The following GTPBP4 variants were observed in gnomAD, a reference collection of about 807,000 sequenced individuals.
GTPBP4 encodes the protein GTP-binding protein 4.
In GTPBP4, 15 loss-of-function variants were observed where a neutral mutation model predicts 81.7. The ratio of observed to expected loss-of-function variants is 0.18; its 90% confidence interval spans 0.12 to 0.28. The LOEUF (loss-of-function observed/expected upper bound fraction) is 0.28, where lower values mean the gene tolerates loss of function less well. Ranked by LOEUF, GTPBP4 falls within the 10% of genes least tolerant of loss-of-function variation. GTPBP4 has a pLI of 1.00. For synonymous variants in GTPBP4, 272 were observed against 274.6 expected (o/e 0.99, Z 0.09); for missense variants, 847 against 793.8 (o/e 1.07, Z -0.81).
intron 1 of GTPBP4, among the ~76,000 whole-genome samples, chr10:990,610 CTG>C (rs1831424273): frequency 6.6e-6 from 1 of 150,832 alleles, no homozygotes; most frequent in African/African-American, 2.4e-5. Flanking sequence ...GTAGTCCCAG[CTG>C]CTGGGGAGGC....
rs2132179067 is a variant in GTPBP4 at position 1,017,927 on chromosome 10, A to G, written c.*700A>G. 6.6e-6 allele frequency: 1 copy of G among 152,354 alleles called. No homozygotes were observed. The highest frequency in any genetic ancestry group is 2.1e-4 in the South Asian group (1 of 4,824). The allele number at this position is 152,354 out of a possible 1,614,324, so 9.4% of individuals were successfully genotyped here. Reference sequence around the variant, plus strand: ...CAAAAACACCGCCAATGCCACCTCAAAAGCACCTGCTGGGGAGCGTTGGGG... The same window carrying G: ...CAAAAACACCGCCAATGCCACCTCAGAAGCACCTGCTGGGGAGCGTTGGGG... On this transcript the variant is annotated 3_prime_UTR_variant, in exon 17 of 17. Transcript: ENST00000360803.
At chr10:1,009,069 T>TG (rs776217375) in intron 11 of GTPBP4, 34 bp downstream of exon 11, 3 of 1,483,202 alleles carry the variant, frequency 2.0e-6, no homozygotes, top group South Asian at 1.1e-5. Context: ...AGTGTTCTCA[T>TG]GGGGGGAGGC....
intron 1 of GTPBP4, chr10:988,919 C>T (rs757187240): frequency 1.0e-5 from 2 of 196,862 alleles, no homozygotes; most frequent in African/African-American, 2.3e-5. Flanking sequence ...CTGGGTTTGG[C>T]GTAGCCCCCT....
chr10:1,011,575 C>T (rs2132172545), intron 13 of GTPBP4, among the ~76,000 whole-genome samples: 1 of 152,298 alleles, frequency 6.6e-6, no homozygotes, highest in Admixed American at 6.5e-5. Context: ...TACTTGCCAT[C>T]TGCATGTCCC....
In GTPBP4 at chr10:999,113, A is replaced by T; in HGVS notation, c.654+18A>T. ...GTTGGCAGGTGAGAGTCTTGTCTTT[A>T]TTTTTATTCATTTATTTATTTTGAG... On this transcript the variant is annotated intron_variant, in intron 6 of 16. Transcript: ENST00000360803. The T allele has an allele frequency of 7.8e-7, 1 of 1,288,346 alleles. No individual in the cohort carries two copies. The highest frequency in any genetic ancestry group is 1.1e-6 in the Non-Finnish European group (1 of 883,334). The allele number at this position is 1,288,346 out of a possible 1,614,324, so 79.8% of individuals were successfully genotyped here.
At chr10:992,321 A>T (rs955637544) in intron 1 of GTPBP4, among the ~76,000 whole-genome samples, 168 bp from the exon 2 acceptor site, 10 of 150,284 alleles carry the variant, frequency 6.7e-5, no homozygotes, top group African/African-American at 2.5e-4. Context: ...AATGGCATGA[A>T]CCTGGGAGGC....
At position 1,012,678 on chromosome 10, in the gene GTPBP4, T is replaced by G; in HGVS notation, c.1542+16T>G. 1.9e-6 allele frequency: 3 copies of G among 1,588,244 alleles called. No individual in the cohort carries two copies. The highest frequency in any genetic ancestry group is 2.6e-6 in the Non-Finnish European group (3 of 1,160,258). The stretch of plus-strand genomic sequence containing the variant: ...TGCTAAGAAGGCAAGTTTGTGTCTT[T>G]CCAAAGCAGTGTGATCTAGTTTTTG... On this transcript the variant is annotated intron_variant, in intron 14 of 16. Coordinates refer to ENST00000360803, the MANE Select transcript of GTPBP4 (RefSeq NM_012341.3).
Position 1,019,503 on chromosome 10 carries a change from G to C in GTPBP4, c.*2276G>C. ...TGAGGGCATTACACATGGCTGACTC[G>C]ACCTCCCTGCCTCTCACACTCTGTG... On this transcript the variant is annotated 3_prime_UTR_variant, in exon 17 of 17. Transcript: ENST00000360803. The C allele has an allele frequency of 6.2e-7, 1 of 1,602,008 alleles. No homozygotes were observed. Among genetic ancestry groups the C allele is most frequent in the Non-Finnish European group, 8.5e-7 (1 of 1,172,034 alleles).
chr10:1,001,391 G>C (rs1422059294), intron 8 of GTPBP4, among the ~76,000 whole-genome samples: 1 of 152,168 alleles, frequency 6.6e-6, no homozygotes, highest in African/African-American at 2.4e-5. Flanking sequence ...GGAGAAGGAG[G>C]ATCTTGGAAT....
At chr10:1,006,607 C>T (rs1008324034) in intron 9 of GTPBP4, among the ~76,000 whole-genome samples, 1 of 152,156 alleles carries the variant, frequency 6.6e-6, no homozygotes, top group African/African-American at 2.4e-5. Context: ...CACTGCACTA[C>T]AGCCTGGGCA....
rs1304172473 is a variant in GTPBP4 at position 992,608 on chromosome 10, G to A, written c.168G>A (p.Gln56=). 2 of 1,605,898 alleles carry A rather than the reference G, an allele frequency of 1.2e-6. No homozygotes were observed. Among genetic ancestry groups the A allele is most frequent in the Admixed American group, 3.3e-5 (2 of 59,836 alleles). The change falls in exon 2 of 17, where the codon CAG becomes CAA. Residue 56 remains glutamine (Q), a synonymous_variant. Transcript: ENST00000360803. ...FYMRKVKFTQ[Q]NYHDRLSQIL... ...TGAGAAAAGTCAAATTTACTCAACA[G>A]AATTACCATGATAGACTTTCACAAA...
In GTPBP4 at chr10:996,218, C is replaced by G; in HGVS notation, c.436C>G (p.Gln146Glu). 1 of 1,613,614 alleles carries G rather than the reference C, an allele frequency of 6.2e-7. No homozygotes were observed. Among genetic ancestry groups the G allele is most frequent in the Non-Finnish European group, 8.5e-7 (1 of 1,179,760 alleles). The stretch of plus-strand genomic sequence containing the variant: ...GTGCACAGTGATCAAGAGGCAGAAG[C>G]AGAGTTTGGAGTATTTGGAGCAAGG... ...RMCTVIKRQK[Q>E]SLEYLEQVRQ... is the part of the protein sequence containing the mutation. The change falls in exon 4 of 17, where the codon CAG (glutamine) becomes GAG (glutamate). Residue 146 changes from glutamine (Q) to glutamate (E), a missense_variant. By Grantham distance (29) the Gln-to-Glu change is conservative (BLOSUM62 2). Coordinates refer to ENST00000360803, the MANE Select transcript of GTPBP4 (RefSeq NM_012341.3).
chr10:992,100 T>C (rs17221463), intron 1 of GTPBP4, among the ~76,000 whole-genome samples: 18,493 of 151,136 alleles, frequency 0.12, 1,502 homozygotes, highest in Non-Finnish European at 0.19. Flanking sequence ...AAGATATTAG[T>C]GTTTTAAGAA....
chr10:998,735 G>A (rs772617854), intron 5 of GTPBP4, among the ~76,000 whole-genome samples: 5 of 152,214 alleles, frequency 3.3e-5, no homozygotes, highest in Admixed American at 6.5e-5. Flanking sequence ...AGAGCTCTGC[G>A]GGCATTGCAG....
chr10:1,010,392 A>C (rs763571818), intron 12 of GTPBP4, 28 bp from the exon 13 acceptor site: 4 of 1,220,570 alleles, frequency 3.3e-6, no homozygotes, highest in Non-Finnish European at 4.8e-6. Context: ...AACTGCTGTA[A>C]ACGTAACCAC....
chr10:1,003,825 C>G (rs1831680509), intron 8 of GTPBP4, among the ~76,000 whole-genome samples: 1 of 152,126 alleles, frequency 6.6e-6, no homozygotes, highest in African/African-American at 2.4e-5. Context: ...TTCTTGGTGT[C>G]AGGTCTGACA....
At position 998,940 on chromosome 10, in the gene GTPBP4, C is replaced by A; in HGVS notation, c.562-63C>A. On this transcript the variant is annotated intron_variant, in intron 5 of 16. Transcript: ENST00000360803. Reference sequence around the variant, plus strand: ...CTACCCAAAATCAGTCTTGTTAAAACACACAGATCCCACGTGTACACAGAG... The same window carrying A: ...CTACCCAAAATCAGTCTTGTTAAAAAACACAGATCCCACGTGTACACAGAG... The A allele has an allele frequency of 6.6e-6, 6 of 905,068 alleles. No homozygotes were observed. The South Asian group carries it at 7.9e-5, about 12-fold the overall frequency. 56.1% of individuals were successfully genotyped at this position (905,068 alleles called of 1,614,324 possible). A position where few individuals can be genotyped will look rare whatever the true frequency, so the allele number is the denominator to read the frequency against.
chr10:996,891 T>C (rs1831546469), intron 4 of GTPBP4: 3 of 310,734 alleles, frequency 9.7e-6, no homozygotes, highest in East Asian at 9.1e-5. Flanking sequence ...TTCCCTAATG[T>C]CATCTTGCTA....
At chr10:1,000,567 G>A in intron 6 of GTPBP4, 110 bp from the exon 7 acceptor site, 1 of 500,906 alleles carries the variant, frequency 2.0e-6, no homozygotes, top group East Asian at 3.5e-5. Flanking sequence ...CTACAATTCT[G>A]CTGTAAGATT....
Sources: allele counts gnomAD v4.1 joint callset (sites outside exome capture counted in the v4.1 genomes callset), GRCh38; gene constraint gnomAD v4.1.1; transcripts MANE v1.5; gene names NCBI Gene and HGNC (gene_info 2026-07-23, HGNC 2026-07-21).